The following SERPINB9 variants were observed in gnomAD, a reference collection of about 807,000 sequenced individuals.
SERPINB9 encodes serpin B9.
SERPINB9 carries 20 observed loss-of-function variants against 27.2 expected under a neutral mutation model. The ratio of observed to expected loss-of-function variants is 0.74; its 90% CI spans 0.52 to 1.07. SERPINB9 has a LOEUF of 1.07. Ranked by LOEUF, SERPINB9 falls within the 50% of genes least tolerant of loss-of-function variation. The pLI, the probability that SERPINB9 is intolerant of heterozygous loss-of-function variation, is 0.00. For missense variants in SERPINB9, 476 were observed against 460.1 expected (o/e 1.03, Z -0.32); for synonymous variants, 189 against 180.0 (o/e 1.05, Z -0.40).
At chr6:2,892,072 T>C (rs1045398763) in intron 5 of SERPINB9, 84 bp from the exon 6 acceptor site, 2 of 1,085,742 alleles carry the variant, frequency 1.8e-6, no homozygotes, top group African/African-American at 4.0e-5. Context: ...GCACCTGTGA[T>C]GGAAACCGCC....
At chr6:2,895,299 G>A in intron 4 of SERPINB9, 92 bp downstream of exon 4, 3 of 771,684 alleles carry the variant, frequency 3.9e-6, no homozygotes, top group Non-Finnish European at 6.7e-6. Context: ...AGAGGAGGAG[G>A]AGAGAGGATA....
At position 2,903,162 on chromosome 6, in the gene SERPINB9, C is replaced by G. The variant is rs949908193; in HGVS notation, c.-11+39G>C. 6.6e-6 allele frequency: 1 copy of G among 152,342 alleles called. No individual in the cohort carries two copies. Among genetic ancestry groups the G allele is most frequent in the Non-Finnish European group, 1.5e-5 (1 of 68,142 alleles). 9.4% of individuals were successfully genotyped at this position (152,342 alleles called of 1,614,324 possible). A position where few individuals can be genotyped will look rare whatever the true frequency, so the allele number is the denominator to read the frequency against. On this transcript the variant is annotated intron_variant, in intron 1 of 6. Transcript: ENST00000380698. This position sits in a 1 kb window ranked among gnomAD's most constrained non-coding sequence, Gnocchi z 5.2. ...GCCGGTGGACCTGAAGCTCGCCACTCCCGTCCCCTACCCCAGCCGTGCGCG... is the reference window on the plus strand; with the variant it reads ...GCCGGTGGACCTGAAGCTCGCCACTGCCGTCCCCTACCCCAGCCGTGCGCG...
Position 2,890,165 on chromosome 6 carries a change from A to G in SERPINB9, c.1129T>C (p.Ter377GlnextTer49). ...ILFCGRFSSP[*>Q] ...CGAGTGCACGGTAAGTGCACCCTTT[A>G]TGGCGATGAGAACCTGCCACAGAAC... Residue 377 changes from the stop codon to glutamine (Q), a stop_lost, in exon 7 of 7, where the codon TAA becomes CAA. Transcript: ENST00000380698. This position sits in a 1 kb window ranked among gnomAD's most constrained non-coding sequence, Gnocchi z 6.2. 6.2e-7 allele frequency: 1 copy of G among 1,612,306 alleles called. No homozygotes were observed. The highest frequency in any genetic ancestry group is 8.5e-7 in the Non-Finnish European group (1 of 1,178,690).
In SERPINB9 at chr6:2,890,190, C is replaced by G. The variant is rs1767743565; in HGVS notation, c.1104G>C (p.Leu368=). ...FIRHNRANSI[L]FCGRFSSP is the part of the protein sequence containing the mutation. ...ATGGCGATGAGAACCTGCCACAGAA[C>G]AGAATGCTGTTGGCTCTGTTGTGCC... The change falls in exon 7 of 7, where the codon CTG becomes CTC. Residue 368 remains leucine (L), a synonymous_variant. Coordinates refer to ENST00000380698, the MANE Select transcript of SERPINB9 (RefSeq NM_004155.6). This position sits in a 1 kb window ranked among gnomAD's most constrained non-coding sequence, Gnocchi z 6.2. 1 of 1,613,998 alleles carries G rather than the reference C, an allele frequency of 6.2e-7. No individual in the cohort carries two copies. Among genetic ancestry groups the G allele is most frequent in the South Asian group, 1.1e-5 (1 of 91,080 alleles).
Position 2,890,294 on chromosome 6 carries a change from T to C in SERPINB9, c.1000A>G (p.Ser334Gly), listed in dbSNP as rs372720431. ...CAGCACTCTGCAACTACAAAGCAGCTCGACGCTGCCGCTGCCTCGGTGCCT... is the reference window on the plus strand; with the variant it reads ...CAGCACTCTGCAACTACAAAGCAGCCCGACGCTGCCGCTGCCTCGGTGCCT... ...EEGTEAAAASSCFVVAECCME... is the reference protein window; with the variant it reads ...EEGTEAAAASGCFVVAECCME... The change falls in exon 7 of 7, where the codon AGC becomes GGC. Residue 334 changes from serine (S) to glycine (G), a missense_variant. Ser to Gly is a moderately conservative substitution (Grantham distance 56). Coordinates refer to ENST00000380698, the MANE Select transcript of SERPINB9 (RefSeq NM_004155.6). The surrounding 1 kb of genome is among the most constrained non-coding windows in gnomAD (Gnocchi z 6.2). 6 of 1,614,086 alleles carry C rather than the reference T, an allele frequency of 3.7e-6. No homozygotes were observed. In the African/African-American group the frequency reaches 6.7e-5, roughly 18 times the overall value.
At position 2,890,128 on chromosome 6, in the gene SERPINB9, G is replaced by C. The variant is rs776956697; in HGVS notation, c.*35C>G. 1 of 1,587,244 alleles carries C rather than the reference G, an allele frequency of 6.3e-7. No individual in the cohort carries two copies. ...TAGTGGGGATCTGGGGACACAGGAA[G>C]AGGGAAATGGCCGAGTGCACGGTAA... is the stretch of plus-strand genomic sequence containing the variant. On this transcript the variant is annotated 3_prime_UTR_variant, in exon 7 of 7. Transcript: ENST00000380698. This position sits in a 1 kb window ranked among gnomAD's most constrained non-coding sequence, Gnocchi z 6.2.
rs1767707368 is a variant in SERPINB9, at chr6:2,889,527, C to T, written c.*636G>A. 6.6e-6 allele frequency: 1 copy of T among 150,908 alleles called. No individual in the cohort carries two copies. Among genetic ancestry groups the T allele is most frequent in the Non-Finnish European group, 1.5e-5 (1 of 67,970 alleles). 9.3% of individuals were successfully genotyped at this position (150,908 alleles called of 1,614,324 possible). Reference sequence around the variant, plus strand: ...TGGCTAACACGGTGAAACCCCGTCTCTACTAAAAATACAAAAAATTAGCCG... The same window carrying T: ...TGGCTAACACGGTGAAACCCCGTCTTTACTAAAAATACAAAAAATTAGCCG... On this transcript the variant is annotated 3_prime_UTR_variant, in exon 7 of 7. Coordinates refer to ENST00000380698, the MANE Select transcript of SERPINB9 (RefSeq NM_004155.6).
chr6:2,892,464 A>C (rs1178839033), intron 5 of SERPINB9, among the ~76,000 whole-genome samples: 1 of 152,220 alleles, frequency 6.6e-6, no homozygotes, highest in Non-Finnish European at 1.5e-5. Flanking sequence ...ACTCTCTCAG[A>C]AAGAGTAACG....
intron 5 of SERPINB9, 29 bp downstream of exon 5, chr6:2,893,382 C>G: frequency 6.3e-7 from 1 of 1,589,298 alleles, no homozygotes; most frequent in Non-Finnish European, 8.6e-7. Flanking sequence ...CTTCATCAAA[C>G]TAGCAGGATT....
In SERPINB9 at chr6:2,894,289, A is replaced by G. The variant is rs1767921122; in HGVS notation, c.425-736T>C. Among the ~76,000 whole-genome samples the G allele has an allele frequency of 6.6e-6, 1 of 152,174 alleles. No homozygotes were observed. The highest frequency in any genetic ancestry group is 2.4e-5 in the African/African-American group (1 of 41,432). On this transcript the variant is annotated intron_variant, in intron 4 of 6. Transcript: ENST00000380698. The surrounding 1 kb of genome is among the most constrained non-coding windows in gnomAD (Gnocchi z 4.7). ...CGTCTCATTTATTCACAGAAATGGAAATGTTCCTGGTGGTACTAAGCATAA... is the reference window on the plus strand; with the variant it reads ...CGTCTCATTTATTCACAGAAATGGAGATGTTCCTGGTGGTACTAAGCATAA...
intron 2 of SERPINB9, among the ~76,000 whole-genome samples, chr6:2,899,139 G>T (rs1037696625): frequency 3.3e-5 from 5 of 152,034 alleles, no homozygotes; most frequent in African/African-American, 1.2e-4. Flanking sequence ...CAATTTTGGT[G>T]CTCTCAAAAA....
chr6:2,895,991 C>G, intron 3 of SERPINB9, 62 bp downstream of exon 3: 1 of 1,503,114 alleles, frequency 6.7e-7, no homozygotes, highest in Non-Finnish European at 9.0e-7. Flanking sequence ...GGTCTTTCTC[C>G]CAGACTCTAT....
rs769687789 is a variant in SERPINB9, at chr6:2,891,992, G to C, written c.568-4C>G. The C allele has an allele frequency of 3.1e-5, 50 of 1,612,804 alleles. No homozygotes were observed. Among genetic ancestry groups the C allele is most frequent in the Non-Finnish European group, 4.0e-5 (47 of 1,179,794 alleles). ...TCTGCACTGGCCTTTGCTCCTCCTGGGGGAAGGATTATTGAAAGACGCAAT... is the reference window on the plus strand; with the variant it reads ...TCTGCACTGGCCTTTGCTCCTCCTGCGGGAAGGATTATTGAAAGACGCAAT... On this transcript the variant is annotated splice_region_variant and splice_polypyrimidine_tract_variant and intron_variant, in intron 5 of 6. Coordinates refer to ENST00000380698, the MANE Select transcript of SERPINB9 (RefSeq NM_004155.6). This position sits in a 1 kb window ranked among gnomAD's most constrained non-coding sequence, Gnocchi z 4.0.
In SERPINB9 at chr6:2,889,949, A is replaced by T; in HGVS notation, c.*214T>A. The T allele has an allele frequency of 4.4e-6, 2 of 458,458 alleles. No individual in the cohort carries two copies. Among genetic ancestry groups the T allele is most frequent in the Non-Finnish European group, 7.7e-6 (2 of 259,672 alleles). The allele number at this position is 458,458 out of a possible 1,614,324, so 28.4% of individuals were successfully genotyped here. A position where few individuals can be genotyped will look rare whatever the true frequency, so the allele number is the denominator to read the frequency against. On this transcript the variant is annotated 3_prime_UTR_variant, in exon 7 of 7. Transcript: ENST00000380698. ...GGACTGCAATTTTAATACAACAGGGAATCATTATGGTCTATTTTCTCAAGA... is the reference window on the plus strand; with the variant it reads ...GGACTGCAATTTTAATACAACAGGGTATCATTATGGTCTATTTTCTCAAGA...
rs541344463 is a variant in SERPINB9, at chr6:2,896,210, T to A, written c.169-20A>T. 3 of 1,610,592 alleles carry A rather than the reference T, an allele frequency of 1.9e-6. No homozygotes were observed. The highest frequency in any genetic ancestry group is 2.7e-5 in the African/African-American group (2 of 74,886). Reference sequence around the variant, plus strand: ...CAGTGCCTGTTGTGAAAGATAATTTTAAAAGTTATCAAGATAGCTCTTTGA... The same window carrying A: ...CAGTGCCTGTTGTGAAAGATAATTTAAAAAGTTATCAAGATAGCTCTTTGA... On this transcript the variant is annotated intron_variant, in intron 2 of 6. Transcript: ENST00000380698.
In SERPINB9 at chr6:2,890,096, G is replaced by A; in HGVS notation, c.*67C>T. On this transcript the variant is annotated 3_prime_UTR_variant, in exon 7 of 7. Transcript: ENST00000380698. The surrounding 1 kb of genome is among the most constrained non-coding windows in gnomAD (Gnocchi z 6.2). Reference sequence around the variant, plus strand: ...CTTGGCTTTCTAGGCCCATCCTCTTGGAGCTGTAGTGGGGATCTGGGGACA... The same window carrying A: ...CTTGGCTTTCTAGGCCCATCCTCTTAGAGCTGTAGTGGGGATCTGGGGACA... The A allele has an allele frequency of 6.6e-7, 1 of 1,504,366 alleles. No homozygotes were observed. Among genetic ancestry groups the A allele is most frequent in the Non-Finnish European group, 9.0e-7 (1 of 1,111,388 alleles). The allele number at this position is 1,504,366 out of a possible 1,614,324, so 93.2% of individuals were successfully genotyped here.
chr6:2,895,147 C>T (rs543685067), intron 4 of SERPINB9, among the ~76,000 whole-genome samples: 1 of 152,188 alleles, frequency 6.6e-6, no homozygotes, highest in African/African-American at 2.4e-5. Flanking sequence ...CTGATCAGAA[C>T]CTTTATGAGT....
At chr6:2,901,393 T>A (rs1403568940) in intron 1 of SERPINB9, among the ~76,000 whole-genome samples, 1 of 152,204 alleles carries the variant, frequency 6.6e-6, no homozygotes, top group Non-Finnish European at 1.5e-5. Flanking sequence ...CTCAGAAACA[T>A]CTATTTGGGA....
intron 4 of SERPINB9, among the ~76,000 whole-genome samples, chr6:2,895,151 T>C (rs929652510): frequency 2.6e-4 from 39 of 152,196 alleles, no homozygotes; most frequent in African/African-American, 7.2e-4. Context: ...TCAGAACCTT[T>C]ATGAGTCCAT....
Sources: gnomAD v4.1 joint callset for allele counts (sites outside exome capture counted in the v4.1 genomes callset) on GRCh38, gnomAD v4.1.1 for gene constraint, Gnocchi (gnomAD v3.1) non-coding constraint, MANE v1.5 for transcripts, NCBI Gene and HGNC (gene_info 2026-07-23, HGNC 2026-07-21) for gene names.